The following DYNC2H1 variants were observed in gnomAD, a reference collection of about 807,000 sequenced individuals.
DYNC2H1 encodes the protein dynein cytoplasmic 2 heavy chain 1.
Under a neutral mutation model 570.0 loss-of-function variants are expected in DYNC2H1, and 410 were observed. That is an observed-to-expected ratio of 0.72 (90% CI 0.66 to 0.78). The LOEUF is 0.78. Among genes scored for constraint, DYNC2H1 ranks in the 30% least tolerant of loss-of-function variants. DYNC2H1 has a pLI of 0.00. For missense variants in DYNC2H1, 4,865 were observed against 5,046.4 expected (o/e 0.96, Z 1.09); for synonymous variants, 1,688 against 1,677.6 (o/e 1.01, Z -0.15).
At chr11:103,253,991 A>G (rs1864943585) in intron 66 of DYNC2H1, among the ~76,000 whole-genome samples, 1 of 152,092 alleles carries the variant, frequency 6.6e-6, no homozygotes, top group South Asian at 2.1e-4. Context: ...TTCCCCTTTA[A>G]AGATATAATG....
chr11:103,436,993 AACTTCAGATACAGTGTACAGTGT>A (rs1230050960), intron 85 of DYNC2H1, among the ~76,000 whole-genome samples: 6 of 152,042 alleles, frequency 3.9e-5, no homozygotes, highest in Non-Finnish European at 7.4e-5. Flanking sequence ...CTGCTACCGA[AACTTCAGATACAGTGTACAGTGT>A]ACACTTCAGA....
chr11:103,384,734 T>C (rs1004532846), intron 83 of DYNC2H1, among the ~76,000 whole-genome samples: 7 of 152,178 alleles, frequency 4.6e-5, no homozygotes, highest in Non-Finnish European at 8.8e-5. Flanking sequence ...TTTTATATTT[T>C]AGTCTGTCTT....
chr11:103,226,463 T>C (rs1423976389), intron 59 of DYNC2H1, among the ~76,000 whole-genome samples: 2 of 152,250 alleles, frequency 1.3e-5, no homozygotes, highest in Non-Finnish European at 2.9e-5. Context: ...TCTGTGTCTA[T>C]TGAGATGATT....
At chr11:103,382,299 T>A (rs1397472366) in intron 83 of DYNC2H1, among the ~76,000 whole-genome samples, 1 of 152,158 alleles carries the variant, frequency 6.6e-6, no homozygotes, top group Admixed American at 6.5e-5. Flanking sequence ...GGTGATAGAC[T>A]TTTTTTCTGA....
intron 82 of DYNC2H1, among the ~76,000 whole-genome samples, chr11:103,354,365 T>A (rs1255142060): frequency 3.9e-5 from 6 of 152,046 alleles, no homozygotes; most frequent in African/African-American, 1.4e-4. Context: ...TTTCCCTCAA[T>A]GGTTATACTA....
At chr11:103,211,994 GT>G in intron 54 of DYNC2H1, 51 bp downstream of exon 54, 1 of 1,373,486 alleles carries the variant, frequency 7.3e-7, no homozygotes, top group Non-Finnish European at 9.5e-7. Flanking sequence ...GGAAACAAGA[GT>G]TTTGTAAATC....
At chr11:103,451,950 A>G (rs1944621053) in intron 85 of DYNC2H1, among the ~76,000 whole-genome samples, 1 of 152,096 alleles carries the variant, frequency 6.6e-6, no homozygotes, top group African/African-American at 2.4e-5. Context: ...CTTGTATAAT[A>G]TAGCCTATAT....
intron 85 of DYNC2H1, among the ~76,000 whole-genome samples, chr11:103,441,826 T>G (rs530057671): frequency 6.6e-6 from 1 of 152,254 alleles, no homozygotes; most frequent in East Asian, 1.9e-4. Flanking sequence ...TAAAAAGCAA[T>G]TTATTATAAT....
chr11:103,228,100 T>C lies in DYNC2H1; in HGVS notation c.9354-3160T>C, dbSNP rs573393659. On this transcript the variant is annotated intron_variant, in intron 59 of 88. Coordinates refer to ENST00000375735, the MANE Select transcript of DYNC2H1 (RefSeq NM_001377.3). This position sits in a 1 kb window ranked among gnomAD's most constrained non-coding sequence, Gnocchi z 6.1. ...CTTATTGTGTCAGGTGAGTCTCTTT[T>C]AGACAGCAGAAACTTGGTTGGTGAA... Among the ~76,000 whole-genome samples the C allele has an allele frequency of 6.6e-6, 1 of 152,324 alleles. No homozygotes were observed. The highest frequency in any genetic ancestry group is 1.9e-4 in the East Asian group (1 of 5,186).
In DYNC2H1 at chr11:103,254,086, T is replaced by C. The variant is rs1171966355; in HGVS notation, c.10206+638T>C. On this transcript the variant is annotated intron_variant, in intron 66 of 88. Coordinates refer to ENST00000375735, the MANE Select transcript of DYNC2H1 (RefSeq NM_001377.3). This position sits in a 1 kb window ranked among gnomAD's most constrained non-coding sequence, Gnocchi z 4.9. ...TCATCTTTTGATTTATATGATAGCA[T>C]ACATATTTGCTGCAATTTTTACTTG... 3.3e-5 allele frequency among the ~76,000 whole-genome samples: 5 copies of C among 152,194 alleles called. No individual in the cohort carries two copies. The highest frequency in any genetic ancestry group is 5.9e-5 in the Non-Finnish European group (4 of 67,998).
At chr11:103,362,756 G>A (rs571607047) in intron 83 of DYNC2H1, among the ~76,000 whole-genome samples, 14 of 152,192 alleles carry the variant, frequency 9.2e-5, no homozygotes, top group Admixed American at 2.0e-4. Context: ...GTGGCTGGGC[G>A]CAGTGGCTCA....
chr11:103,110,744 T>G (rs1267054501), intron 1 of DYNC2H1, among the ~76,000 whole-genome samples: 4 of 152,082 alleles, frequency 2.6e-5, no homozygotes, highest in Non-Finnish European at 5.9e-5. Context: ...AGACATATTT[T>G]AAACCTCTTC....
At position 103,128,942 on chromosome 11, in the gene DYNC2H1, A is replaced by G; in HGVS notation, c.1890A>G (p.Gln630=). The G allele has an allele frequency of 1.2e-6, 2 of 1,600,012 alleles. No individual in the cohort carries two copies. Among genetic ancestry groups the G allele is most frequent in the South Asian group, 2.3e-5 (2 of 85,722 alleles). ...ATTTTTATAATTCTATTGATCAACAAATGATTCAAAGTCAGAGGCCAATGA... is the reference window on the plus strand; with the variant it reads ...ATTTTTATAATTCTATTGATCAACAGATGATTCAAAGTCAGAGGCCAATGA... The part of the protein sequence containing the change: ...VAHFYNSIDQ[Q]MIQSQRPMML... Residue 630 remains glutamine (Q), a synonymous_variant, in exon 13 of 89, where the codon CAA becomes CAG. Coordinates refer to ENST00000375735, the MANE Select transcript of DYNC2H1 (RefSeq NM_001377.3).
chr11:103,241,629 C>T lies in DYNC2H1; in HGVS notation c.9820-2064C>T, dbSNP rs1555078593. On this transcript the variant is annotated intron_variant, in intron 63 of 88. Coordinates refer to ENST00000375735, the MANE Select transcript of DYNC2H1 (RefSeq NM_001377.3). The surrounding 1 kb of genome is among the most constrained non-coding windows in gnomAD (Gnocchi z 5.1). Reference sequence around the variant, plus strand: ...ATTGTGAAATGTGTGCTATTGAATGCTAGCATAAAATTAGATCAAAAACCT... The same window carrying T: ...ATTGTGAAATGTGTGCTATTGAATGTTAGCATAAAATTAGATCAAAAACCT... 1 of 1,201,714 alleles carries T rather than the reference C, an allele frequency of 8.3e-7. No individual in the cohort carries two copies. The highest frequency in any genetic ancestry group is 1.5e-5 in the African/African-American group (1 of 65,546). 74.4% of individuals were successfully genotyped at this position (1,201,714 alleles called of 1,614,324 possible). A position where few individuals can be genotyped will look rare whatever the true frequency, so the allele number is the denominator to read the frequency against.
chr11:103,460,096 C>G (rs1354758265), intron 87 of DYNC2H1, among the ~76,000 whole-genome samples: 4 of 151,932 alleles, frequency 2.6e-5, no homozygotes, highest in African/African-American at 7.3e-5. Context: ...TCAAGCAATC[C>G]TCCTGCCTCA....
chr11:103,135,626 A>G lies in DYNC2H1; in HGVS notation c.2337A>G (p.Leu779=). ...ATTTGCCAGAAATAAATATAGACTT[A>G]ACTTACAAGTAAGATGTTTTTTCAA... ...NENLPEINID[L]TYKQGRLQFR... The change falls in exon 16 of 89, where the codon TTA becomes TTG. Residue 779 remains leucine (L), a synonymous_variant. Coordinates refer to ENST00000375735, the MANE Select transcript of DYNC2H1 (RefSeq NM_001377.3). 6.2e-7 allele frequency: 1 copy of G among 1,612,302 alleles called. No individual in the cohort carries two copies. The highest frequency in any genetic ancestry group is 8.5e-7 in the Non-Finnish European group (1 of 1,179,394).
intron 58 of DYNC2H1, among the ~76,000 whole-genome samples, 176 bp from the exon 59 acceptor site, chr11:103,222,789 T>C (rs1403783134): frequency 6.6e-6 from 1 of 152,234 alleles, no homozygotes; most frequent in East Asian, 1.9e-4. Context: ...ATAGAGTTCA[T>C]GTATATTTCT....
chr11:103,258,346 C>T (rs1262415619), intron 69 of DYNC2H1, among the ~76,000 whole-genome samples: 1 of 152,204 alleles, frequency 6.6e-6, no homozygotes, highest in Non-Finnish European at 1.5e-5. Context: ...TATTTAACCA[C>T]CTCCCATATA....
At position 103,204,922 on chromosome 11, in the gene DYNC2H1, G is replaced by C. The variant is rs1350194563; in HGVS notation, c.8412G>C (p.Gln2804His). The C allele has an allele frequency of 3.1e-6, 5 of 1,593,504 alleles. No homozygotes were observed. The highest frequency in any genetic ancestry group is 4.3e-6 in the Non-Finnish European group (5 of 1,168,688). Residue 2804 changes from glutamine to histidine, a missense_variant, in exon 52 of 89, where the codon CAG becomes CAC. Physicochemically the swap from Gln to His is conservative, Grantham distance 24 (BLOSUM62 0). Around this residue, in one of 5 missense-constraint regions of DYNC2H1, gnomAD observed 2,401 missense variants for 2,454.6 expected, o/e 0.98. Coordinates refer to ENST00000375735, the MANE Select transcript of DYNC2H1 (RefSeq NM_001377.3). This position sits in a 1 kb window ranked among gnomAD's most constrained non-coding sequence, Gnocchi z 4.1. ...ESNPALHKKC[Q>H]VLWMEGWSNS... is the part of the protein sequence containing the mutation. The stretch of plus-strand genomic sequence containing the variant: ...ATCCAGCTTTGCATAAGAAATGCCA[G>C]GTGTTGTGGATGGAGGGTTGGTCCA...
Sources: allele counts gnomAD v4.1 joint callset (sites outside exome capture counted in the v4.1 genomes callset), GRCh38; gene constraint gnomAD v4.1.1; regional missense constraint gnomAD v4.1.1; non-coding constraint Gnocchi (gnomAD v3.1); transcripts MANE v1.5; gene names NCBI Gene and HGNC (gene_info 2026-07-23, HGNC 2026-07-21).